Variants in PCDHA5 observed in about 807,000 individuals in gnomAD.
PCDHA5 encodes protocadherin alpha 5, also known as protocadherin alpha-5.
In PCDHA5, 43 loss-of-function variants were observed where a neutral mutation model predicts 61.6. That is an observed-to-expected ratio of 0.70 (90% confidence interval 0.55 to 0.90). The LOEUF (loss-of-function observed/expected upper bound fraction) is 0.90, where lower values mean the gene tolerates loss of function less well. Among genes scored for constraint, PCDHA5 ranks in the 40% least tolerant of loss-of-function variants. PCDHA5 has a pLI of 0.00. For synonymous variants in PCDHA5, 627 were observed against 543.9 expected, an observed-to-expected ratio of 1.15 and a Z score of -2.13; for missense variants, 1,298 against 1,222.7, an observed-to-expected ratio of 1.06 and a Z score of -0.92.
At chr5:140,967,956 A>G in intron 1 of PCDHA5, 2 of 1,614,172 alleles carry the variant, frequency 1.2e-6, no homozygotes, top group Middle Eastern at 3.3e-4. Context: ...TCAGGCCCCA[A>G]CCGGAAAGTG....
At chr5:140,900,546 G>A (rs1430203463) in intron 1 of PCDHA5, among the ~76,000 whole-genome samples, 3 of 152,162 alleles carry the variant, frequency 2.0e-5, no homozygotes, top group East Asian at 1.9e-4. Context: ...CAAAGTGCTG[G>A]GATTACAGGC....
intron 1 of PCDHA5, chr5:140,967,336 C>T (rs782067589): frequency 5.0e-6 from 8 of 1,607,396 alleles, no homozygotes; most frequent in Admixed American, 1.7e-5. Context: ...TCAGCCCCAG[C>T]GAGCACTTCG....
chr5:140,870,707 G>A, intron 1 of PCDHA5: 1 of 1,613,076 alleles, frequency 6.2e-7, no homozygotes, highest in Non-Finnish European at 8.5e-7. Context: ...TTCCAGGTGA[G>A]CGCGCGCGAT....
At chr5:140,947,622 G>C (rs1435558526) in intron 1 of PCDHA5, among the ~76,000 whole-genome samples, 1 of 151,534 alleles carries the variant, frequency 6.6e-6, no homozygotes, top group East Asian at 1.9e-4. Context: ...TAACAATATT[G>C]AGTCATCAGA....
intron 1 of PCDHA5, among the ~76,000 whole-genome samples, chr5:140,951,423 C>T (rs1324305371): frequency 6.6e-6 from 1 of 152,014 alleles, no homozygotes; most frequent in Non-Finnish European, 1.5e-5. Flanking sequence ...CTCACAGTTC[C>T]ACAGGCTGTA....
intron 1 of PCDHA5, chr5:140,876,054 A>C: frequency 6.2e-7 from 1 of 1,613,940 alleles, no homozygotes; most frequent in Non-Finnish European, 8.5e-7. Context: ...TGCCTGAATT[A>C]GTTCTTCGGA....
At chr5:140,876,819 C>T in intron 1 of PCDHA5, 1 of 1,614,180 alleles carries the variant, frequency 6.2e-7, no homozygotes, top group Admixed American at 1.7e-5. Flanking sequence ...CCGACGTGAA[C>T]GACAATGCGC....
At chr5:140,971,843 G>A (rs1250084892) in intron 1 of PCDHA5, among the ~76,000 whole-genome samples, 2 of 151,906 alleles carry the variant, frequency 1.3e-5, no homozygotes, top group African/African-American at 4.8e-5. Flanking sequence ...TGCAAGTCAT[G>A]CGTTAAATAT....
At chr5:140,923,826 T>C (rs2081533545) in intron 1 of PCDHA5, among the ~76,000 whole-genome samples, 1 of 152,218 alleles carries the variant, frequency 6.6e-6, no homozygotes, top group African/African-American at 2.4e-5. Context: ...TAGACGTCAG[T>C]GGCAGTTTAA....
intron 1 of PCDHA5, chr5:140,929,117 T>C (rs1554206704): frequency 1.9e-6 from 3 of 1,614,160 alleles, no homozygotes; most frequent in African/African-American, 2.7e-5. Context: ...TCAGCCACCA[T>C]AGATGTCACT....
rs569501434 is a variant in PCDHA5 at position 140,980,458 on chromosome 5, T to C, written c.2411+1451T>C. Among the ~76,000 whole-genome samples the C allele has an allele frequency of 1.6e-4, 25 of 152,264 alleles. No individual in the cohort carries two copies. The South Asian group carries it at 2.7e-3, about 16-fold the overall frequency. ...CATCCTGGACAACACGGTGAAACCC[T>C]GTCTCTACTAAAAATACAAAAATTA... On this transcript the variant is annotated intron_variant, in intron 2 of 3. Coordinates refer to ENST00000529859, the MANE Select transcript of PCDHA5 (RefSeq NM_018908.3).
chr5:140,884,514 C>G, intron 1 of PCDHA5: 21 of 1,614,176 alleles, frequency 1.3e-5, no homozygotes, highest in South Asian at 2.2e-5. Flanking sequence ...GGGAGTTGGT[C>G]GTACTCGCAG....
chr5:140,849,189 G>C, intron 1 of PCDHA5: 1 of 1,056,674 alleles, frequency 9.5e-7, no homozygotes, highest in Non-Finnish European at 1.3e-6. Context: ...ACTCATCACG[G>C]TACTGGACAA....
intron 1 of PCDHA5, among the ~76,000 whole-genome samples, chr5:140,951,795 C>T (rs2094636851): frequency 6.6e-6 from 1 of 152,166 alleles, no homozygotes; most frequent in African/African-American, 2.4e-5. Context: ...ACAATTATCC[C>T]TTCCCAATGG....
chr5:140,937,606 TACTC>T (rs1186588675), intron 1 of PCDHA5, among the ~76,000 whole-genome samples: 2 of 123,664 alleles, frequency 1.6e-5, no homozygotes, highest in Non-Finnish European at 3.5e-5. Context: ...AACAGAGTGA[TACTC>T]CATCTAAAAA....
At position 140,966,655 on chromosome 5, in the gene PCDHA5, G is replaced by T. The variant is rs576875582; in HGVS notation, c.2353-12294G>T. The T allele has an allele frequency of 2.6e-5, 31 of 1,195,250 alleles. No homozygotes were observed. In the South Asian group the frequency reaches 4.0e-4, roughly 15 times the overall value. 74.0% of individuals were successfully genotyped at this position (1,195,250 alleles called of 1,614,324 possible). On this transcript the variant is annotated intron_variant, in intron 1 of 3. Coordinates refer to ENST00000529859, the MANE Select transcript of PCDHA5 (RefSeq NM_018908.3). ...AGGCGCTTTCTAGAGCGTGAGCGGT[G>T]GGGGAGCAGGCGCAGGGTGGCACGA...
In PCDHA5 at chr5:140,850,114, C is replaced by G. The variant is rs1286583620; in HGVS notation, c.2352+25987C>G. ...CAGTTCCAGGTGAGCGCGCGCGACG[C>G]GGGCGTGCCGCCTCTGGGCAGCAAC... On this transcript the variant is annotated intron_variant, in intron 1 of 3. Coordinates refer to ENST00000529859, the MANE Select transcript of PCDHA5 (RefSeq NM_018908.3). 9 of 1,595,876 alleles carry G rather than the reference C, an allele frequency of 5.6e-6. 1 individual carries two copies. The highest frequency in any genetic ancestry group is 1.1e-5 in the South Asian group (1 of 90,494).
In PCDHA5 at chr5:141,011,141, A is replaced by T. The variant is rs1039778930; in HGVS notation, c.*1204A>T. ...ACAATTATGTGCACTTTGATACACA[A>T]CCTTCTCTAACCAACTATATATCAA... is the stretch of plus-strand genomic sequence containing the variant. On this transcript the variant is annotated 3_prime_UTR_variant, in exon 4 of 4. Transcript: ENST00000529859. 2.6e-5 allele frequency: 4 copies of T among 153,668 alleles called. No homozygotes were observed. The highest frequency in any genetic ancestry group is 4.4e-5 in the Non-Finnish European group (3 of 68,036). The allele number at this position is 153,668 out of a possible 1,614,324, so 9.5% of individuals were successfully genotyped here. A position where few individuals can be genotyped will look rare whatever the true frequency, so the allele number is the denominator to read the frequency against.
intron 3 of PCDHA5, among the ~76,000 whole-genome samples, chr5:140,999,519 G>A (rs1303009823): frequency 6.6e-6 from 1 of 152,074 alleles, no homozygotes; most frequent in Non-Finnish European, 1.5e-5. Context: ...TAAGCATTTT[G>A]TTACCCCCTG....
Sources: allele counts gnomAD v4.1 joint callset (sites outside exome capture counted in the v4.1 genomes callset), GRCh38; gene constraint gnomAD v4.1.1; transcripts MANE v1.5; gene names NCBI Gene and HGNC (gene_info 2026-07-23, HGNC 2026-07-21).